Variants in SUCLG2 observed in about 807,000 individuals in gnomAD.
The protein encoded by SUCLG2 is succinate-CoA ligase GDP-forming subunit beta.
SUCLG2 carries 42 observed loss-of-function variants against 47.9 expected under a neutral mutation model. The ratio of observed to expected loss-of-function variants is 0.88; its 90% CI spans 0.69 to 1.14. SUCLG2 has a LOEUF of 1.14. SUCLG2 is among the 50% of genes most tolerant of loss of function. The pLI is 0.00. For missense variants in SUCLG2, 571 were observed against 525.9 expected (o/e 1.09, Z -0.84); for synonymous variants, 195 against 197.3 (o/e 0.99, Z 0.10).
rs183550753 is a variant in SUCLG2 at position 67,429,648 on chromosome 3, A to C, written c.1063-28797T>G. On this transcript the variant is annotated intron_variant, in intron 9 of 10. Transcript: ENST00000307227. ...CTAAATGCTCCAAATAAAAGACACA[A>C]ACTGGCAAATTGGACAAAGAGTCAA... Among the ~76,000 whole-genome samples the C allele has an allele frequency of 4.2e-3, 636 of 152,294 alleles. 3 individuals carry two copies. The highest frequency in any genetic ancestry group is 0.032 in the South Asian group (153 of 4,830).
intron 1 of SUCLG2, among the ~76,000 whole-genome samples, chr3:67,652,052 G>A (rs1575846050): frequency 6.6e-6 from 1 of 151,968 alleles, no homozygotes; most frequent in South Asian, 2.1e-4. Flanking sequence ...CCTGCCAAAT[G>A]GTATGGGCTG....
chr3:67,367,748 G>T (rs567782523), intron 10 of SUCLG2, among the ~76,000 whole-genome samples: 2 of 152,216 alleles, frequency 1.3e-5, no homozygotes, highest in Admixed American at 1.3e-4. Context: ...ATTGTCCTTA[G>T]TTGAGAGCCA....
intron 9 of SUCLG2, among the ~76,000 whole-genome samples, chr3:67,482,379 T>A (rs1704941164): frequency 6.6e-6 from 1 of 152,222 alleles, no homozygotes; most frequent in African/African-American, 2.4e-5. Flanking sequence ...CAACTTTCAA[T>A]TGGCAGTGCC....
intron 2 of SUCLG2, among the ~76,000 whole-genome samples, chr3:67,593,993 C>T (rs769286058): frequency 2.0e-5 from 3 of 152,182 alleles, no homozygotes; most frequent in Admixed American, 6.5e-5. Flanking sequence ...TGCAGTTGGG[C>T]TTGCTCTCTT....
At chr3:67,504,674 A>T (rs1349225638) in intron 7 of SUCLG2, among the ~76,000 whole-genome samples, 1 of 152,118 alleles carries the variant, frequency 6.6e-6, no homozygotes, top group East Asian at 1.9e-4. Flanking sequence ...CCAAGTTGTG[A>T]TGACTAAAAA....
At chr3:67,538,690 A>T (rs540675042) in intron 2 of SUCLG2, among the ~76,000 whole-genome samples, 1 of 152,336 alleles carries the variant, frequency 6.6e-6, no homozygotes, top group Non-Finnish European at 1.5e-5. Flanking sequence ...CCTATCCATA[A>T]GCATGGAATG....
At chr3:67,496,358 A>T (rs1280073683) in intron 8 of SUCLG2, among the ~76,000 whole-genome samples, 3 of 152,174 alleles carry the variant, frequency 2.0e-5, no homozygotes, top group Non-Finnish European at 4.4e-5. Flanking sequence ...TTTTTAATAT[A>T]CTTTAAGAGA....
At chr3:67,449,734 C>T (rs1332451460) in intron 9 of SUCLG2, among the ~76,000 whole-genome samples, 1 of 151,744 alleles carries the variant, frequency 6.6e-6, no homozygotes, top group Admixed American at 6.6e-5. Context: ...CACGCTCAGC[C>T]CCCTGAGTAG....
chr3:67,528,539 C>A (rs958889323), intron 3 of SUCLG2, among the ~76,000 whole-genome samples: 2 of 151,946 alleles, frequency 1.3e-5, no homozygotes, highest in Admixed American at 1.3e-4. Flanking sequence ...ACTGAAGATC[C>A]GACAGTGGAA....
In SUCLG2 at chr3:67,512,364, T is replaced by C. The variant is rs181548827; in HGVS notation, c.661-3461A>G. On this transcript the variant is annotated intron_variant, in intron 6 of 10. Coordinates refer to ENST00000307227, the MANE Select transcript of SUCLG2 (RefSeq NM_003848.4). ...ATACTTCATTGCGGAATATTTTTTG[T>C]ATTTTAGGGGGTTTTCTAGGTCATC... is the stretch of plus-strand genomic sequence containing the variant. Among the ~76,000 whole-genome samples the C allele has an allele frequency of 1.1e-4, 17 of 151,304 alleles. No individual in the cohort carries two copies. In the East Asian group the frequency reaches 2.9e-3, roughly 26 times the overall value.
intron 10 of SUCLG2, among the ~76,000 whole-genome samples, chr3:67,368,607 T>C (rs938235194): frequency 6.6e-6 from 1 of 152,074 alleles, no homozygotes; most frequent in Non-Finnish European, 1.5e-5. Context: ...TATTTATTTA[T>C]TTATTATTAT....
intron 2 of SUCLG2, among the ~76,000 whole-genome samples, chr3:67,549,307 G>A (rs774375676): frequency 6.6e-6 from 1 of 152,178 alleles, no homozygotes; most frequent in South Asian, 2.1e-4. Flanking sequence ...GCTTTTCTAC[G>A]CTATCAATGT....
intron 2 of SUCLG2, among the ~76,000 whole-genome samples, chr3:67,568,789 A>C (rs528707833): frequency 6.6e-6 from 1 of 152,310 alleles, no homozygotes; most frequent in East Asian, 1.9e-4. Context: ...GGGGAGGCTG[A>C]GGCAGGAGAA....
At chr3:67,495,146 T>C (rs868846869) in intron 9 of SUCLG2, among the ~76,000 whole-genome samples, 3 of 152,316 alleles carry the variant, frequency 2.0e-5, no homozygotes, top group African/African-American at 4.8e-5. Flanking sequence ...GAAGGAATCA[T>C]AGTACTCTTC....
chr3:67,401,544 G>T (rs1702683049), intron 9 of SUCLG2, among the ~76,000 whole-genome samples: 1 of 144,068 alleles, frequency 6.9e-6, no homozygotes. Context: ...TAACTTGTTT[G>T]TACATATTCC....
chr3:67,557,253 T>C (rs923196821), intron 2 of SUCLG2, among the ~76,000 whole-genome samples: 3 of 152,190 alleles, frequency 2.0e-5, no homozygotes, highest in African/African-American at 7.2e-5. Context: ...AATACTAATA[T>C]CACATATTAC....
At chr3:67,413,677 A>G (rs1203246684) in intron 9 of SUCLG2, among the ~76,000 whole-genome samples, 1 of 152,240 alleles carries the variant, frequency 6.6e-6, no homozygotes, top group East Asian at 1.9e-4. Context: ...GAAGGAAACT[A>G]AAGCTCTCAA....
chr3:67,405,527 T>A (rs928624406), intron 9 of SUCLG2, among the ~76,000 whole-genome samples: 1 of 152,146 alleles, frequency 6.6e-6, no homozygotes, highest in African/African-American at 2.4e-5. Flanking sequence ...TGGGGGATAA[T>A]AGTAGTTAAG....
In SUCLG2 at chr3:67,431,938, G is replaced by A. The variant is rs182701746; in HGVS notation, c.1063-31087C>T. On this transcript the variant is annotated intron_variant, in intron 9 of 10. Transcript: ENST00000307227. ...ATACAAACAAATAATAATTACTTAG[G>A]GGTCAGCAGCTGGTGGCTCAATTGG... 5.7e-4 allele frequency among the ~76,000 whole-genome samples: 86 copies of A among 152,160 alleles called. 1 individual carries two copies. The East Asian group carries it at 0.01, about 18-fold the overall frequency.
Sources: allele counts gnomAD v4.1 joint callset (sites outside exome capture counted in the v4.1 genomes callset), GRCh38; gene constraint gnomAD v4.1.1; transcripts MANE v1.5; gene names NCBI Gene and HGNC (gene_info 2026-07-23, HGNC 2026-07-21).